Variants in SMARCA2 observed in about 807,000 individuals in gnomAD.
The protein encoded by SMARCA2 is SWI/SNF-related matrix-associated actin-dependent regulator of chromatin subfamily A member 2.
In SMARCA2, 61 loss-of-function variants were observed where a neutral mutation model predicts 199.8. The observed-to-expected ratio is 0.31, with a 90% CI of 0.25 to 0.38. The LOEUF (loss-of-function observed/expected upper bound fraction) is 0.38. SMARCA2 is among the 10% of genes least tolerant of loss of function. The probability of loss-of-function intolerance (pLI) is 1.00; values close to 1 mark genes in which losing one functional copy is unlikely to be tolerated. For missense variants in SMARCA2, 1,344 were observed against 2,012.2 expected, an observed-to-expected ratio of 0.67 and a Z score of 6.35; for synonymous variants, 935 against 732.0, an observed-to-expected ratio of 1.28 and a Z score of -4.48.
intron 33 of SMARCA2, 82 bp downstream of exon 33, chr9:2,191,490 C>G: frequency 2.0e-6 from 3 of 1,476,528 alleles, no homozygotes; most frequent in Non-Finnish European, 2.8e-6. Context: ...GCCCCTTCAG[C>G]CTTTTCGCTT....
chr9:2,159,622 G>GA lies in SMARCA2; in HGVS notation c.3982-2057dup, dbSNP rs113415895. 4,763 of 577,450 alleles carry GA rather than the reference G, an allele frequency of 8.2e-3. 171 individuals carry two copies. Among genetic ancestry groups the GA allele is most frequent in the African/African-American group, 0.08 (4,335 of 53,952 alleles). The allele number at this position is 577,450 out of a possible 1,614,324, so 35.8% of individuals were successfully genotyped here. A position where few individuals can be genotyped will look rare whatever the true frequency, so the allele number is the denominator to read the frequency against. Reference sequence around the variant, plus strand: ...ATTCTGCTGCCTGGAATAATAAGGGGAAAAAAATATGATAAGTAGTTGTCA... The same window carrying GA: ...ATTCTGCTGCCTGGAATAATAAGGGGAAAAAAAATATGATAAGTAGTTGTCA... On this transcript the variant is annotated intron_variant, in intron 27 of 33. Transcript: ENST00000349721.
intron 27 of SMARCA2, chr9:2,159,545 T>G (rs1363403958): frequency 6.3e-6 from 2 of 319,320 alleles, no homozygotes; most frequent in African/African-American, 4.2e-5. Flanking sequence ...CTTACTGGCT[T>G]AATTGTTAAA....
At chr9:2,024,899 T>A (rs757065750) in intron 1 of SMARCA2, among the ~76,000 whole-genome samples, 5 of 152,214 alleles carry the variant, frequency 3.3e-5, no homozygotes, top group African/African-American at 1.2e-4. Flanking sequence ...ACCAGAATTA[T>A]TAGGAAACAC....
chr9:2,174,426 C>G (rs1826422241), intron 29 of SMARCA2, among the ~76,000 whole-genome samples: 1 of 152,178 alleles, frequency 6.6e-6, no homozygotes, highest in Admixed American at 6.5e-5. Flanking sequence ...CCTAATATGT[C>G]TTCCTTGAGG....
At chr9:2,124,926 G>A (rs1031274662) in intron 27 of SMARCA2, among the ~76,000 whole-genome samples, 5 of 152,188 alleles carry the variant, frequency 3.3e-5, no homozygotes, top group Admixed American at 6.5e-5. Context: ...GCTGGAAATA[G>A]TAAGTGTAGT....
intron 5 of SMARCA2, among the ~76,000 whole-genome samples, chr9:2,052,825 C>G (rs186264878): frequency 2.0e-5 from 3 of 152,068 alleles, no homozygotes; most frequent in African/African-American, 7.2e-5. Context: ...TGATGGCTGT[C>G]GTCATCAGCA....
chr9:2,033,669 G>T (rs1819173062), intron 3 of SMARCA2, among the ~76,000 whole-genome samples: 1 of 152,186 alleles, frequency 6.6e-6, no homozygotes, highest in Non-Finnish European at 1.5e-5. Flanking sequence ...TATAATTCTG[G>T]AGGCAAAGTC....
rs960750803 is a variant in SMARCA2 at position 2,099,827 on chromosome 9, A to T, written c.3079-1743A>T. On this transcript the variant is annotated intron_variant, in intron 21 of 33. Transcript: ENST00000349721. Reference sequence around the variant, plus strand: ...GACCTTAAACTCAAGAAATGGAAACAGTATTTTTAACATGATGCTGTTACC... The same window carrying T: ...GACCTTAAACTCAAGAAATGGAAACTGTATTTTTAACATGATGCTGTTACC... Among the ~76,000 whole-genome samples the T allele has an allele frequency of 3.3e-5, 5 of 152,172 alleles. 1 individual carries two copies. The highest frequency in any genetic ancestry group is 1.2e-4 in the African/African-American group (5 of 41,444).
intron 27 of SMARCA2, chr9:2,159,707 C>T: frequency 7.0e-7 from 1 of 1,419,262 alleles, no homozygotes; most frequent in South Asian, 1.3e-5. Context: ...CATGAAACAG[C>T]AGATTTGAGT....
chr9:2,054,386 G>C (rs1240481498), intron 5 of SMARCA2, among the ~76,000 whole-genome samples: 1 of 152,196 alleles, frequency 6.6e-6, no homozygotes, highest in African/African-American at 2.4e-5. Context: ...AAGCCACATT[G>C]TTAAGTAACA....
chr9:2,082,083 A>C (rs1821588787), intron 15 of SMARCA2, 88 bp downstream of exon 15: 4 of 1,140,284 alleles, frequency 3.5e-6, no homozygotes. Flanking sequence ...TACTTAAGAC[A>C]GAATTGTAGC....
At chr9:2,107,538 G>A (rs932418817) in intron 23 of SMARCA2, among the ~76,000 whole-genome samples, 6 of 152,006 alleles carry the variant, frequency 3.9e-5, no homozygotes, top group East Asian at 3.9e-4. Context: ...GGGTGATCTC[G>A]AACCCCTGAC....
chr9:2,156,130 A>G (rs1825347560), intron 27 of SMARCA2, among the ~76,000 whole-genome samples: 1 of 152,214 alleles, frequency 6.6e-6, no homozygotes, highest in Admixed American at 6.5e-5. Flanking sequence ...TATTCCCTTA[A>G]TAACCTTTGA....
intron 12 of SMARCA2, among the ~76,000 whole-genome samples, chr9:2,074,346 T>A (rs1449051816): frequency 6.6e-6 from 1 of 152,222 alleles, no homozygotes; most frequent in Non-Finnish European, 1.5e-5. Flanking sequence ...TAGAGCATTG[T>A]TAATATATTG....
At chr9:2,139,909 G>A (rs1380950398) in intron 27 of SMARCA2, among the ~76,000 whole-genome samples, 1 of 152,164 alleles carries the variant, frequency 6.6e-6, no homozygotes, top group African/African-American at 2.4e-5. Context: ...GTTTTGGGAA[G>A]GGCTATTATC....
chr9:2,092,964 C>G (rs1822125565), intron 19 of SMARCA2, among the ~76,000 whole-genome samples: 1 of 152,218 alleles, frequency 6.6e-6, no homozygotes, highest in African/African-American at 2.4e-5. Flanking sequence ...CTTCTCTCGT[C>G]ACTGTGATTC....
At chr9:2,120,731 G>A (rs556347770) in intron 26 of SMARCA2, among the ~76,000 whole-genome samples, 21 of 152,260 alleles carry the variant, frequency 1.4e-4, no homozygotes, top group African/African-American at 5.1e-4. Flanking sequence ...GTAGCTGTGG[G>A]AATAACTACT....
At position 2,123,659 on chromosome 9, in the gene SMARCA2, G is replaced by A; in HGVS notation, c.3763-60G>A. On this transcript the variant is annotated intron_variant, in intron 26 of 33. Coordinates refer to ENST00000349721, the MANE Select transcript of SMARCA2 (RefSeq NM_003070.5). The surrounding 1 kb of genome is among the most constrained non-coding windows in gnomAD (Gnocchi z 4.1). ...TGACTTGGGGAAGTTGTGTAGTGCT[G>A]GGAAGTCTGCACCATACAGAAGCCC... is the stretch of plus-strand genomic sequence containing the variant. The A allele has an allele frequency of 6.9e-7, 1 of 1,439,794 alleles. No individual in the cohort carries two copies. The highest frequency in any genetic ancestry group is 1.2e-5 in the South Asian group (1 of 84,994). 89.2% of individuals were successfully genotyped at this position (1,439,794 alleles called of 1,614,324 possible).
At chr9:2,041,517 A>G (rs1286788744) in intron 4 of SMARCA2, 5 of 397,916 alleles carry the variant, frequency 1.3e-5, no homozygotes, top group Non-Finnish European at 2.2e-5. Context: ...CTCTCATGAA[A>G]TAGTCACCTC....
Sources: gnomAD v4.1 joint callset for allele counts (sites outside exome capture counted in the v4.1 genomes callset) on GRCh38, gnomAD v4.1.1 for gene constraint, Gnocchi (gnomAD v3.1) non-coding constraint, MANE v1.5 for transcripts, NCBI Gene and HGNC (gene_info 2026-07-23, HGNC 2026-07-21) for gene names.